The following CECR2 variants were observed in gnomAD, a reference collection of about 807,000 sequenced individuals.
The protein encoded by CECR2 is chromatin remodeling regulator CECR2.
A neutral mutation model predicts 154.5 loss-of-function variants in CECR2; 30 were observed. The observed-to-expected ratio is 0.19, with a 90% CI of 0.15 to 0.26. The LOEUF (loss-of-function observed/expected upper bound fraction) is 0.26, where lower values mean the gene tolerates loss of function less well. Among genes scored for constraint, CECR2 ranks in the 10% least tolerant of loss-of-function variants. The probability of loss-of-function intolerance (pLI) is 1.00; values close to 1 mark genes in which losing one functional copy is unlikely to be tolerated. For synonymous variants in CECR2, 725 were observed against 683.7 expected (o/e 1.06, Z -0.94); for missense variants, 1,743 against 1,829.3 (o/e 0.95, Z 0.86).
chr22:17,364,167 C>T (rs2146421815), intron 1 of CECR2, among the ~76,000 whole-genome samples: 1 of 151,610 alleles, frequency 6.6e-6, no homozygotes, highest in South Asian at 2.1e-4. Context: ...CACGGTGAAA[C>T]CCCGTCTCTA....
At chr22:17,425,027 T>C (rs1338873817) in intron 1 of CECR2, among the ~76,000 whole-genome samples, 1 of 152,240 alleles carries the variant, frequency 6.6e-6, no homozygotes, top group Non-Finnish European at 1.5e-5. Context: ...TTCTTTACAG[T>C]GTCTATTCTT....
chr22:17,465,708 C>A (rs577026668), intron 1 of CECR2, among the ~76,000 whole-genome samples: 18 of 152,248 alleles, frequency 1.2e-4, no homozygotes, highest in African/African-American at 2.6e-4. Flanking sequence ...TGGTCATGAA[C>A]TCCTGACCTC....
At chr22:17,412,660 G>C (rs1170766423) in intron 1 of CECR2, among the ~76,000 whole-genome samples, 2 of 152,142 alleles carry the variant, frequency 1.3e-5, no homozygotes, top group Non-Finnish European at 2.9e-5. Context: ...AGGAAAATTA[G>C]GACTTCGGAG....
chr22:17,515,085 G>A (rs1404103103), intron 8 of CECR2, among the ~76,000 whole-genome samples: 3 of 150,632 alleles, frequency 2.0e-5, no homozygotes, highest in Non-Finnish European at 4.4e-5. Context: ...TTTCTCATAT[G>A]TGTGTAATGT....
At chr22:17,478,529 G>C (rs899562860) in intron 2 of CECR2, among the ~76,000 whole-genome samples, 3 of 151,776 alleles carry the variant, frequency 2.0e-5, no homozygotes, top group African/African-American at 4.8e-5. Flanking sequence ...CTAATTTTTT[G>C]TATTTTTAGT....
chr22:17,549,409 C>A lies in CECR2; in HGVS notation c.4122C>A (p.His1374Gln), dbSNP rs886856170. The A allele has an allele frequency of 5.0e-6, 8 of 1,613,676 alleles. No individual in the cohort carries two copies. The highest frequency in any genetic ancestry group is 1.3e-5 in the African/African-American group (1 of 74,912). ...SSPVAALPPH[H>Q]PGATQPNGLS... is the part of the protein sequence containing the mutation. Reference sequence around the variant, plus strand: ...CTGTGGCTGCCCTCCCACCTCACCACCCAGGGGCCACCCAGCCCAACGGCC... The same window carrying A: ...CTGTGGCTGCCCTCCCACCTCACCAACCAGGGGCCACCCAGCCCAACGGCC... Residue 1374 changes from histidine to glutamine, a missense_variant, in exon 17 of 19, where the codon CAC becomes CAA. By Grantham distance (24) the His-to-Gln change is conservative. Transcript: ENST00000262608.
upstream of CECR2, among the ~76,000 whole-genome samples, chr22:17,368,087 C>CAGA (rs2146426344): frequency 6.6e-6 from 1 of 152,196 alleles, no homozygotes; most frequent in African/African-American, 2.4e-5. Context: ...ACTAGATTCA[C>CAGA]AGAAGATGCA....
intron 2 of CECR2, among the ~76,000 whole-genome samples, chr22:17,485,159 C>T (rs2055398855): frequency 6.6e-6 from 1 of 152,186 alleles, no homozygotes; most frequent in Non-Finnish European, 1.5e-5. Context: ...ATCCTTCCGA[C>T]AGCCCTCTAA....
intron 1 of CECR2, among the ~76,000 whole-genome samples, chr22:17,371,679 G>C (rs1249264761): frequency 6.6e-6 from 1 of 152,134 alleles, no homozygotes; most frequent in African/African-American, 2.4e-5. Context: ...CTTGGGTGCT[G>C]GTAAACTTGC....
chr22:17,504,435 T>TTTTATTTATTTA (rs373150171), intron 6 of CECR2, among the ~76,000 whole-genome samples: 3 of 150,806 alleles, frequency 2.0e-5, no homozygotes, highest in African/African-American at 2.4e-5. Flanking sequence ...TTTTTTTTAT[T>TTTTATTTATTTA]TTTATTTATT....
At chr22:17,499,137 G>A (rs1228225394) in intron 3 of CECR2, among the ~76,000 whole-genome samples, 1 of 151,810 alleles carries the variant, frequency 6.6e-6, no homozygotes, top group Non-Finnish European at 1.5e-5. Context: ...TTACAGGCGC[G>A]CGCCACCACG....
chr22:17,395,442 T>G (rs2053794003), intron 1 of CECR2, among the ~76,000 whole-genome samples: 2 of 152,114 alleles, frequency 1.3e-5, no homozygotes, highest in Admixed American at 1.3e-4. Flanking sequence ...CCTCTTGAGT[T>G]CAAGTGGTTC....
At chr22:17,361,185 GCAAAACAAAA>G (rs1211255447) in intron 1 of CECR2, among the ~76,000 whole-genome samples, 1 of 151,568 alleles carries the variant, frequency 6.6e-6, no homozygotes, top group Non-Finnish European at 1.5e-5. Flanking sequence ...ACAAAACAAA[GCAAAACAAAA>G]CAAAAGAACA....
rs747945459 is a variant in CECR2, at chr22:17,542,972, C to T, written c.2829C>T (p.Asn943=). 2 of 1,611,810 alleles carry T rather than the reference C, an allele frequency of 1.2e-6. No individual in the cohort carries two copies. Among genetic ancestry groups the T allele is most frequent in the East Asian group, 2.2e-5 (1 of 44,882 alleles). ...ALGNPGRAPE[N]SEAQEPENDQ... ...GCAACCCTGGGAGGGCACCGGAGAA[C>T]AGTGAAGCACAAGAGCCTGAGAATG... is the stretch of plus-strand genomic sequence containing the variant. The change falls in exon 16 of 19, where the codon AAC becomes AAT. Residue 943 remains asparagine (N), a synonymous_variant. Coordinates refer to ENST00000262608, the MANE Select transcript of CECR2 (RefSeq NM_001290047.2).
intron 1 of CECR2, among the ~76,000 whole-genome samples, chr22:17,388,002 T>G (rs1190674372): frequency 6.6e-6 from 1 of 152,192 alleles, no homozygotes; most frequent in Non-Finnish European, 1.5e-5. Flanking sequence ...TCGCCCAGGC[T>G]GGAGTGCAGT....
At chr22:17,476,119 T>C (rs988698409) in intron 1 of CECR2, among the ~76,000 whole-genome samples, 2 of 150,506 alleles carry the variant, frequency 1.3e-5, no homozygotes, top group Non-Finnish European at 2.9e-5. Flanking sequence ...AATATCCTCC[T>C]GCACCTGGTC....
intron 1 of CECR2, among the ~76,000 whole-genome samples, chr22:17,458,498 T>C (rs949363309): frequency 2.0e-5 from 3 of 150,624 alleles, no homozygotes; most frequent in African/African-American, 7.3e-5. Context: ...GTGGGTAAAA[T>C]GGTGCCATTG....
At chr22:17,464,303 T>C (rs2054990978) in intron 1 of CECR2, among the ~76,000 whole-genome samples, 1 of 152,122 alleles carries the variant, frequency 6.6e-6, no homozygotes, top group South Asian at 2.1e-4. Context: ...GTCCACATAA[T>C]TAAAAGAAAA....
chr22:17,403,965 A>T (rs1021789367), intron 1 of CECR2, among the ~76,000 whole-genome samples: 1 of 151,954 alleles, frequency 6.6e-6, no homozygotes, highest in African/African-American at 2.4e-5. Context: ...GCATTTGTAG[A>T]TAAGACCACC....
Sources: allele counts gnomAD v4.1 joint callset (sites outside exome capture counted in the v4.1 genomes callset), GRCh38; gene constraint gnomAD v4.1.1; transcripts MANE v1.5; gene names NCBI Gene and HGNC (gene_info 2026-07-23, HGNC 2026-07-21).